RTN1: variants seen among roughly 807,000 people sequenced by gnomAD.
RTN1 encodes the protein reticulon 1, also known as reticulon-1.
In RTN1, 25 loss-of-function variants were observed where a neutral mutation model predicts 65.5. That is an observed-to-expected ratio of 0.38 (90% CI 0.28 to 0.53). The LOEUF (loss-of-function observed/expected upper bound fraction) is 0.53, where lower values mean the gene tolerates loss of function less well. Ranked by LOEUF, RTN1 falls within the 20% of genes least tolerant of loss-of-function variation. The probability of loss-of-function intolerance (pLI) is 0.79; values close to 1 mark genes in which losing one functional copy is unlikely to be tolerated. For synonymous variants in RTN1, 471 were observed against 447.6 expected, an observed-to-expected ratio of 1.05 and a Z score of -0.66; for missense variants, 983 against 1,025.4, an observed-to-expected ratio of 0.96 and a Z score of 0.57.
At chr14:59,715,637 C>T (rs1337928184) in intron 3 of RTN1, among the ~76,000 whole-genome samples, 1 of 152,010 alleles carries the variant, frequency 6.6e-6, no homozygotes, top group Non-Finnish European at 1.5e-5. Flanking sequence ...ACCAGCCTGG[C>T]CAAAATGGTG....
intron 3 of RTN1, among the ~76,000 whole-genome samples, chr14:59,635,879 G>C (rs1882655475): frequency 6.6e-6 from 1 of 152,018 alleles, no homozygotes; most frequent in Non-Finnish European, 1.5e-5. Flanking sequence ...TTTCTCATCA[G>C]TGTTAATAAT....
At chr14:59,804,895 T>C (rs1195253336) in intron 1 of RTN1, among the ~76,000 whole-genome samples, 2 of 152,224 alleles carry the variant, frequency 1.3e-5, no homozygotes, top group Admixed American at 1.3e-4. Context: ...AAAGACATTA[T>C]GGTATTTAGG....
In RTN1 at chr14:59,746,193, T is replaced by C. The variant is rs900407750; in HGVS notation, c.530A>G (p.Glu177Gly). The change falls in exon 2 of 9, where the codon GAA becomes GGA. Residue 177 changes from glutamate to glycine, a missense_variant. Physicochemically the swap from Glu to Gly is moderately conservative, Grantham distance 98 (BLOSUM62 -2). This residue lies in a region of RTN1 where 818 missense variants were observed against 801.8 expected (regional missense o/e 1.02). Transcript: ENST00000267484. ...AGGGTCTGCTAAGATCTTGTTCACTTCCGTGGACTCTGCAGGAGTCATCTC... is the reference window on the plus strand; with the variant it reads ...AGGGTCTGCTAAGATCTTGTTCACTCCCGTGGACTCTGCAGGAGTCATCTC... ...GIEMTPAEST[E>G]VNKILADPLD... 6.2e-7 allele frequency: 1 copy of C among 1,610,712 alleles called. No individual in the cohort carries two copies. The highest frequency in any genetic ancestry group is 1.1e-5 in the South Asian group (1 of 90,386).
chr14:59,674,738 A>G (rs1237733563), intron 3 of RTN1, among the ~76,000 whole-genome samples: 1 of 152,238 alleles, frequency 6.6e-6, no homozygotes, highest in South Asian at 2.1e-4. Flanking sequence ...AAACCTGGAC[A>G]TTGTATAATT....
intron 3 of RTN1, among the ~76,000 whole-genome samples, chr14:59,636,141 T>C (rs146252685): frequency 6.6e-6 from 1 of 152,138 alleles, no homozygotes; most frequent in Non-Finnish European, 1.5e-5. Flanking sequence ...AAATGGAAAA[T>C]GCTATACCGA....
chr14:59,661,869 C>T lies in RTN1; in HGVS notation c.1766-54377G>A, dbSNP rs537118451. Among the ~76,000 whole-genome samples, 4 of 152,300 alleles carry T rather than the reference C, an allele frequency of 2.6e-5. No homozygotes were observed. The East Asian group carries it at 7.7e-4, about 29-fold the overall frequency. On this transcript the variant is annotated intron_variant, in intron 3 of 8. Transcript: ENST00000267484. ...ACAAGGATGCCCTCTCTCAGCACTC[C>T]TATTCAACATAGTGTTGGAAGTTCT...
intron 1 of RTN1, among the ~76,000 whole-genome samples, chr14:59,867,069 T>C (rs1887811384): frequency 6.6e-6 from 1 of 152,208 alleles, no homozygotes; most frequent in Non-Finnish European, 1.5e-5. Flanking sequence ...TTCCTGACCA[T>C]TCTCCATCAT....
intron 1 of RTN1, among the ~76,000 whole-genome samples, chr14:59,813,010 TCTC>T (rs1886756768): frequency 1.3e-5 from 2 of 152,258 alleles, no homozygotes; most frequent in South Asian, 4.1e-4. Context: ...TATGCTGACT[TCTC>T]CTAGAATAAA....
In RTN1 at chr14:59,865,999, T is replaced by C. The variant is rs75989843; in HGVS notation, c.241+4391A>G. Among the ~76,000 whole-genome samples, 870 of 152,288 alleles carry C rather than the reference T, an allele frequency of 5.7e-3. 8 individuals carry two copies. The highest frequency in any genetic ancestry group is 0.019 in the African/African-American group (770 of 41,574). ...TCACAGTCTGAGCAAGCTGTGCTCA[T>C]ATTTACTTATCCTGTGTTGATCTCA... On this transcript the variant is annotated intron_variant, in intron 1 of 8. Coordinates refer to ENST00000267484, the MANE Select transcript of RTN1 (RefSeq NM_021136.3).
At chr14:59,772,527 T>C (rs1594736391) in intron 1 of RTN1, among the ~76,000 whole-genome samples, 1 of 150,554 alleles carries the variant, frequency 6.6e-6, no homozygotes. Context: ...TTCCTCTTTC[T>C]CCCCAATATT....
chr14:59,727,677 C>T lies in RTN1; in HGVS notation c.1016-9G>A. ...TTCTGCAGCAGATGGTTCTGTCGTC[C>T]CACAGAGCGAAGGAGAGCCACGGAG... On this transcript the variant is annotated splice_polypyrimidine_tract_variant and intron_variant, in intron 2 of 8. Transcript: ENST00000267484. The surrounding 1 kb of genome is among the most constrained non-coding windows in gnomAD (Gnocchi z 4.2). 3 of 1,586,728 alleles carry T rather than the reference C, an allele frequency of 1.9e-6. No homozygotes were observed. Among genetic ancestry groups the T allele is most frequent in the Non-Finnish European group, 2.6e-6 (3 of 1,166,166 alleles).
chr14:59,751,270 A>G (rs1052909754), intron 1 of RTN1, among the ~76,000 whole-genome samples: 5 of 150,576 alleles, frequency 3.3e-5, no homozygotes, highest in African/African-American at 1.2e-4. Context: ...AACAAAAGGA[A>G]TAATACTAAG....
chr14:59,835,081 C>T (rs1887191132), intron 1 of RTN1, among the ~76,000 whole-genome samples: 1 of 152,024 alleles, frequency 6.6e-6, no homozygotes, highest in African/African-American at 2.4e-5. Context: ...TTGTAATATC[C>T]CAAATTGGAA....
chr14:59,707,933 CT>C (rs1884334002), intron 3 of RTN1, among the ~76,000 whole-genome samples: 1 of 152,126 alleles, frequency 6.6e-6, no homozygotes, highest in African/African-American at 2.4e-5. Flanking sequence ...TAGGGAATTG[CT>C]GCAAGTAAGC....
intron 2 of RTN1, among the ~76,000 whole-genome samples, chr14:59,736,914 C>T (rs1885013017): frequency 6.6e-6 from 1 of 152,124 alleles, no homozygotes; most frequent in African/African-American, 2.4e-5. Flanking sequence ...AAGACAAAAC[C>T]ACATGATTAT....
intron 1 of RTN1, among the ~76,000 whole-genome samples, chr14:59,797,011 T>C (rs1396637341): frequency 6.6e-6 from 1 of 152,196 alleles, no homozygotes; most frequent in Non-Finnish European, 1.5e-5. Context: ...TTGCAAATTA[T>C]TATAATCTAT....
intron 2 of RTN1, among the ~76,000 whole-genome samples, chr14:59,732,965 T>G (rs1884930854): frequency 6.6e-6 from 1 of 152,050 alleles, no homozygotes; most frequent in African/African-American, 2.4e-5. Flanking sequence ...TCTCTGCTGT[T>G]TGGTCAACTC....
chr14:59,840,472 A>G (rs1708114387), intron 1 of RTN1, among the ~76,000 whole-genome samples: 1 of 152,144 alleles, frequency 6.6e-6, no homozygotes, highest in African/African-American at 2.4e-5. Context: ...TCTGTGCCTC[A>G]ATTTCCTCAT....
intron 1 of RTN1, among the ~76,000 whole-genome samples, chr14:59,747,931 A>C (rs371072785): frequency 9.2e-5 from 14 of 152,212 alleles, no homozygotes; most frequent in African/African-American, 2.9e-4. Context: ...CAGTGGCAGT[A>C]ACAGGTCAAT....
Sources: gnomAD v4.1 joint callset for allele counts (sites outside exome capture counted in the v4.1 genomes callset) on GRCh38, gnomAD v4.1.1 for gene constraint, gnomAD v4.1.1 regional missense constraint, Gnocchi (gnomAD v3.1) non-coding constraint, MANE v1.5 for transcripts, NCBI Gene and HGNC (gene_info 2026-07-23, HGNC 2026-07-21) for gene names.